The following AKT3 variants were observed in gnomAD, a reference collection of about 807,000 sequenced individuals.
AKT3 encodes the protein RAC-gamma serine/threonine-protein kinase.
Under a neutral mutation model 65.3 loss-of-function variants are expected in AKT3, and 15 were observed. That is an observed-to-expected ratio of 0.23 (90% CI 0.15 to 0.35). The LOEUF is 0.35. AKT3 is among the 10% of genes least tolerant of loss of function. The pLI, the probability that AKT3 is intolerant of heterozygous loss-of-function variation, is 1.00. For missense variants in AKT3, 243 were observed against 576.5 expected, an observed-to-expected ratio of 0.42 and a Z score of 5.92; for synonymous variants, 206 against 183.8, an observed-to-expected ratio of 1.12 and a Z score of -0.98.
chr1:243,621,361 G>A (rs1678736964), intron 6 of AKT3, among the ~76,000 whole-genome samples: 1 of 152,042 alleles, frequency 6.6e-6, no homozygotes, highest in Non-Finnish European at 1.5e-5. Context: ...CTTCTTTTGG[G>A]TCCCAGGACA....
chr1:243,496,359 C>T (rs1025292322), downstream of AKT3, among the ~76,000 whole-genome samples: 4 of 152,196 alleles, frequency 2.6e-5, no homozygotes, highest in Non-Finnish European at 4.4e-5. Context: ...AGCCACCAAG[C>T]GAGGCAGGGG....
intron 2 of AKT3, among the ~76,000 whole-genome samples, chr1:243,778,743 C>T (rs1690715504): frequency 6.6e-6 from 1 of 152,142 alleles, no homozygotes; most frequent in African/African-American, 2.4e-5. Context: ...AGTAAAAAGT[C>T]TCATCACACC....
intron 2 of AKT3, among the ~76,000 whole-genome samples, chr1:243,721,016 T>A (rs1364149776): frequency 6.6e-6 from 1 of 152,132 alleles, no homozygotes; most frequent in Non-Finnish European, 1.5e-5. Context: ...CTCTCTCATC[T>A]TCTCCTGCCC....
intron 13 of AKT3, among the ~76,000 whole-genome samples, chr1:243,490,373 C>G (rs1030241385): frequency 3.3e-5 from 5 of 152,240 alleles, no homozygotes; most frequent in African/African-American, 1.2e-4. Flanking sequence ...CACAGCTAAT[C>G]TAGGAGGCGA....
At chr1:243,802,983 T>C (rs985138872) in intron 2 of AKT3, among the ~76,000 whole-genome samples, 8 of 151,992 alleles carry the variant, frequency 5.3e-5, no homozygotes, top group Non-Finnish European at 1.0e-4. Context: ...ACCCCATCTC[T>C]ACAAAAAAAT....
At chr1:243,731,771 G>A (rs1687586534) in intron 2 of AKT3, among the ~76,000 whole-genome samples, 1 of 152,126 alleles carries the variant, frequency 6.6e-6, no homozygotes, top group African/African-American at 2.4e-5. Flanking sequence ...TTTATTAGCT[G>A]TGCAACCATG....
At chr1:243,495,911 T>C (rs1667737301), downstream of AKT3, among the ~76,000 whole-genome samples, 1 of 152,174 alleles carries the variant, frequency 6.6e-6, no homozygotes, top group African/African-American at 2.4e-5. Flanking sequence ...TGGGAGAGTC[T>C]GGACTTTGAG....
intron 9 of AKT3, among the ~76,000 whole-genome samples, chr1:243,566,573 T>A (rs1008109627): frequency 6.6e-5 from 10 of 152,146 alleles, no homozygotes; most frequent in African/African-American, 2.4e-4. Context: ...TGGGAGGCAG[T>A]AGAGAGCAAA....
chr1:243,699,135 C>A (rs1685255304), intron 2 of AKT3, among the ~76,000 whole-genome samples: 1 of 152,052 alleles, frequency 6.6e-6, no homozygotes, highest in African/African-American at 2.4e-5. Flanking sequence ...ACACTCCCTG[C>A]CACCAATCCT....
intron 3 of AKT3, among the ~76,000 whole-genome samples, chr1:243,666,247 G>C (rs2087072): frequency 6.6e-6 from 1 of 151,700 alleles, no homozygotes; most frequent in Non-Finnish European, 1.5e-5. Context: ...CAAGTGATCC[G>C]CCCGCCTCGG....
At chr1:243,692,113 G>A (rs552007658) in intron 3 of AKT3, among the ~76,000 whole-genome samples, 1 of 152,164 alleles carries the variant, frequency 6.6e-6, no homozygotes, top group Non-Finnish European at 1.5e-5. Context: ...TTCATGACAT[G>A]ATCTCCCAAA....
At chr1:243,655,509 A>T (rs996635352) in intron 4 of AKT3, among the ~76,000 whole-genome samples, 1 of 151,838 alleles carries the variant, frequency 6.6e-6, no homozygotes, top group Non-Finnish European at 1.5e-5. Context: ...CTCATTTTTT[A>T]ACAAGTCCTG....
intron 8 of AKT3, among the ~76,000 whole-genome samples, chr1:243,585,430 C>T (rs1019458703): frequency 6.6e-6 from 1 of 151,314 alleles, no homozygotes; most frequent in Admixed American, 6.6e-5. Flanking sequence ...CCAGAATAGC[C>T]AAAGCAATCC....
At chr1:243,816,459 C>A (rs1046800913) in intron 2 of AKT3, among the ~76,000 whole-genome samples, 9 of 152,120 alleles carry the variant, frequency 5.9e-5, no homozygotes, top group African/African-American at 2.2e-4. Context: ...AGGCACCACC[C>A]TACTGTTTCT....
chr1:243,702,980 A>G (rs927918014), intron 2 of AKT3: 3 of 152,228 alleles, frequency 2.0e-5, no homozygotes, highest in Non-Finnish European at 4.4e-5. Context: ...AAATAAATGT[A>G]CATGCTTCAA....
At position 243,627,699 on chromosome 1, in the gene AKT3, G is replaced by A. The variant is rs189410041; in HGVS notation, c.561+9912C>T. On this transcript the variant is annotated intron_variant, in intron 6 of 13. Transcript: ENST00000673466. ...TCTAACCAAACTGTGAAATTCTTAC[G>A]AATAACCTGGGCAGGAACCACCCAT... Among the ~76,000 whole-genome samples the A allele has an allele frequency of 3.3e-5, 5 of 152,272 alleles. No homozygotes were observed. The East Asian group carries it at 7.7e-4, about 24-fold the overall frequency.
intron 9 of AKT3, among the ~76,000 whole-genome samples, chr1:243,572,437 A>G (rs554524418): frequency 4.1e-4 from 63 of 152,330 alleles, no homozygotes; most frequent in South Asian, 2.3e-3. Flanking sequence ...ACAGCAGTCA[A>G]AACACTATTA....
intron 12 of AKT3, among the ~76,000 whole-genome samples, chr1:243,534,126 T>A (rs1020586209): frequency 1.3e-5 from 2 of 152,064 alleles, no homozygotes. Flanking sequence ...GATCTAACTA[T>A]ATGGTCTACA....
intron 12 of AKT3, among the ~76,000 whole-genome samples, chr1:243,522,202 G>A (rs1026802855): frequency 1.3e-5 from 2 of 152,172 alleles, no homozygotes; most frequent in Non-Finnish European, 2.9e-5. Context: ...TTCTTCAGCT[G>A]ATTTTATAGG....
Sources: gnomAD v4.1 joint callset for allele counts (sites outside exome capture counted in the v4.1 genomes callset) on GRCh38, gnomAD v4.1.1 for gene constraint, MANE v1.5 for transcripts, NCBI Gene and HGNC (gene_info 2026-07-23, HGNC 2026-07-21) for gene names.